Variants in ARID5B observed in about 807,000 individuals in gnomAD.
ARID5B encodes AT-rich interaction domain 5B.
Under a neutral mutation model 97.2 loss-of-function variants are expected in ARID5B, and 13 were observed. That is an observed-to-expected ratio of 0.13 (90% CI 0.09 to 0.21). The LOEUF (loss-of-function observed/expected upper bound fraction) is 0.21, where lower values mean the gene tolerates loss of function less well. ARID5B is among the 10% of genes least tolerant of loss of function. The pLI is 1.00. For missense variants in ARID5B, 1,210 were observed against 1,465.3 expected (o/e 0.83, Z 2.84); for synonymous variants, 556 against 570.3 (o/e 0.97, Z 0.36).
At chr10:61,922,002 C>T (rs777037173) in intron 2 of ARID5B, among the ~76,000 whole-genome samples, 9 of 152,038 alleles carry the variant, frequency 5.9e-5, no homozygotes, top group Non-Finnish European at 1.0e-4. Flanking sequence ...CCACTGTGCC[C>T]GGCTAATTTT....
At chr10:62,021,633 T>C (rs1839357148) in intron 4 of ARID5B, among the ~76,000 whole-genome samples, 1 of 152,242 alleles carries the variant, frequency 6.6e-6, no homozygotes, top group Non-Finnish European at 1.5e-5. Flanking sequence ...ACCAGAAACA[T>C]CCATTCTGGC....
intron 3 of ARID5B, among the ~76,000 whole-genome samples, chr10:61,981,817 G>C (rs1220903429): frequency 2.0e-5 from 3 of 152,068 alleles, no homozygotes; most frequent in Admixed American, 6.5e-5. Context: ...CATTATGTTG[G>C]TCATCCAAGG....
At chr10:62,006,914 G>A (rs1244399781) in intron 4 of ARID5B, among the ~76,000 whole-genome samples, 1 of 152,106 alleles carries the variant, frequency 6.6e-6, no homozygotes, top group Non-Finnish European at 1.5e-5. Flanking sequence ...GGGCTCATGG[G>A]TACAATAAAC....
At chr10:61,921,244 C>T (rs1054531097) in intron 2 of ARID5B, among the ~76,000 whole-genome samples, 12 of 152,220 alleles carry the variant, frequency 7.9e-5, no homozygotes, top group Non-Finnish European at 1.6e-4. Context: ...TCCACAGTTT[C>T]TGTGGGTGGC....
chr10:61,924,685 A>G (rs983575481), intron 2 of ARID5B, among the ~76,000 whole-genome samples: 1 of 152,230 alleles, frequency 6.6e-6, no homozygotes, highest in African/African-American at 2.4e-5. Context: ...TTTGTACATT[A>G]AAGTGTCCTA....
chr10:62,059,500 A>G (rs1223223978), intron 7 of ARID5B, among the ~76,000 whole-genome samples: 1 of 152,184 alleles, frequency 6.6e-6, no homozygotes, highest in East Asian at 1.9e-4. Context: ...CGTAAAAACT[A>G]CAAGTGGAAA....
chr10:62,016,513 A>C (rs953701936), intron 4 of ARID5B, among the ~76,000 whole-genome samples: 3 of 152,246 alleles, frequency 2.0e-5, no homozygotes, highest in Non-Finnish European at 4.4e-5. Flanking sequence ...ATTGAAATTT[A>C]ATACTTTTCA....
intron 5 of ARID5B, among the ~76,000 whole-genome samples, chr10:62,052,535 A>G (rs75964285): frequency 0.037 from 5,620 of 152,280 alleles, 143 homozygotes; most frequent in African/African-American, 0.074. Flanking sequence ...GCTCCTTCCC[A>G]TGCCACTTGG....
chr10:62,033,916 C>T (rs1240866008), intron 4 of ARID5B, among the ~76,000 whole-genome samples: 1 of 152,172 alleles, frequency 6.6e-6, no homozygotes, highest in Non-Finnish European at 1.5e-5. Context: ...ACAGAGTTGC[C>T]TGCTCTCAAA....
Position 61,910,714 on chromosome 10 carries a change from C to T in ARID5B, c.276+8301C>T, listed in dbSNP as rs1182849026. Among the ~76,000 whole-genome samples the T allele has an allele frequency of 2.6e-5, 4 of 152,316 alleles. No individual in the cohort carries two copies. In the East Asian group the frequency reaches 7.7e-4, roughly 29 times the overall value. ...ATTGAAAGGGTGCTTTAGAATCATG[C>T]TAATGGCATCAATCTCTCGCACACA... On this transcript the variant is annotated intron_variant, in intron 2 of 9. Coordinates refer to ENST00000279873, the MANE Select transcript of ARID5B (RefSeq NM_032199.3).
intron 2 of ARID5B, among the ~76,000 whole-genome samples, chr10:61,931,325 A>G (rs979133600): frequency 2.8e-4 from 42 of 152,368 alleles, no homozygotes; most frequent in African/African-American, 9.9e-4. Context: ...AAATACATCA[A>G]GCTGAACCTC....
At chr10:61,938,392 A>C (rs563600512) in intron 2 of ARID5B, among the ~76,000 whole-genome samples, 6 of 152,314 alleles carry the variant, frequency 3.9e-5, no homozygotes, top group African/African-American at 1.4e-4. Context: ...TCTCTTTACT[A>C]ATGTTGAGAC....
rs140702604 is a variant in ARID5B, at chr10:62,096,311, T to G, written c.*3281T>G. The G allele has an allele frequency of 2.1e-5, 5 of 233,596 alleles. No homozygotes were observed. Among genetic ancestry groups the G allele is most frequent in the African/African-American group, 8.8e-5 (4 of 45,358 alleles). 14.5% of individuals were successfully genotyped at this position (233,596 alleles called of 1,614,324 possible). On this transcript the variant is annotated 3_prime_UTR_variant, in exon 10 of 10. Transcript: ENST00000279873. ...GAGGTGGTCCCACAAAAATATTTTATGTAGTGTGCCTTCAAAGAGAACCAT... is the reference window on the plus strand; with the variant it reads ...GAGGTGGTCCCACAAAAATATTTTAGGTAGTGTGCCTTCAAAGAGAACCAT...
intron 2 of ARID5B, among the ~76,000 whole-genome samples, chr10:61,925,732 A>AGGG (rs1305967727): frequency 2.0e-5 from 3 of 152,234 alleles, no homozygotes; most frequent in African/African-American, 7.2e-5. Flanking sequence ...GGAGATGGTC[A>AGGG]GGGGAGCAGG....
At chr10:61,911,046 A>G (rs1843795065) in intron 2 of ARID5B, among the ~76,000 whole-genome samples, 1 of 152,134 alleles carries the variant, frequency 6.6e-6, no homozygotes, top group African/African-American at 2.4e-5. Context: ...CATGACTCCA[A>G]GCACACCCGG....
chr10:62,045,298 C>T (rs755559378), intron 4 of ARID5B, among the ~76,000 whole-genome samples: 8 of 152,088 alleles, frequency 5.3e-5, no homozygotes, highest in South Asian at 2.1e-4. Flanking sequence ...TAAAAACATT[C>T]GTTCTATTTT....
At chr10:61,948,057 T>C (rs1838264707) in intron 3 of ARID5B, among the ~76,000 whole-genome samples, 1 of 152,252 alleles carries the variant, frequency 6.6e-6, no homozygotes, top group South Asian at 2.1e-4. Flanking sequence ...AATTTATTCC[T>C]ACTTTTCCAT....
At chr10:61,903,210 C>A (rs953184492) in intron 2 of ARID5B, among the ~76,000 whole-genome samples, 4 of 151,866 alleles carry the variant, frequency 2.6e-5, no homozygotes, top group Non-Finnish European at 5.9e-5. Context: ...GGTGTGTGCT[C>A]GCCCACTGGC....
At chr10:61,940,957 ATATATATATTTTTTTTTTTTTTTTT>A (rs1413361224) in intron 3 of ARID5B, among the ~76,000 whole-genome samples, 2 of 6,846 alleles carry the variant, frequency 2.9e-4, no homozygotes, top group Non-Finnish European at 6.4e-4. Context: ...ATATATATAT[ATATATATATTTTTTTTTTTTTTTTT>A]TTTTTTTTTT....
Sources: allele counts gnomAD v4.1 joint callset (sites outside exome capture counted in the v4.1 genomes callset), GRCh38; gene constraint gnomAD v4.1.1; transcripts MANE v1.5; gene names NCBI Gene and HGNC (gene_info 2026-07-23, HGNC 2026-07-21).